Variants in ARHGAP42 observed in about 807,000 individuals in gnomAD.
ARHGAP42 encodes Rho GTPase activating protein 42.
A neutral mutation model predicts 125.0 loss-of-function variants in ARHGAP42; 63 were observed. That is an observed-to-expected ratio of 0.50 (90% confidence interval 0.41 to 0.62). The LOEUF is 0.62. Ranked by LOEUF, ARHGAP42 falls within the 20% of genes least tolerant of loss-of-function variation. ARHGAP42 has a pLI of 0.00. For missense variants in ARHGAP42, 766 were observed against 1,024.2 expected, an observed-to-expected ratio of 0.75 and a Z score of 3.44; for synonymous variants, 339 against 351.0, an observed-to-expected ratio of 0.97 and a Z score of 0.38.
At chr11:100,759,346 G>A (rs1451857165) in intron 1 of ARHGAP42, among the ~76,000 whole-genome samples, 1 of 152,150 alleles carries the variant, frequency 6.6e-6, no homozygotes, top group Non-Finnish European at 1.5e-5. Flanking sequence ...GGGCAAGCCT[G>A]TGTCTAGGCA....
intron 1 of ARHGAP42, among the ~76,000 whole-genome samples, chr11:100,715,041 C>A (rs1350202537): frequency 1.8e-5 from 2 of 109,814 alleles, no homozygotes; most frequent in Non-Finnish European, 3.5e-5. Context: ...GCAGTGAAAC[C>A]CTATCTCAAA....
intron 5 of ARHGAP42, among the ~76,000 whole-genome samples, 193 bp from the exon 6 acceptor site, chr11:100,921,301 C>A (rs1222886236): frequency 5.2e-5 from 6 of 114,716 alleles, no homozygotes; most frequent in Non-Finnish European, 8.3e-5. Flanking sequence ...GTACTTACTC[C>A]GTGTGTGTAT....
intron 3 of ARHGAP42, among the ~76,000 whole-genome samples, chr11:100,841,334 T>C (rs1195147633): frequency 2.6e-5 from 4 of 152,072 alleles, no homozygotes; most frequent in African/African-American, 9.7e-5. Context: ...TTGCTGTTAC[T>C]TTTTGGTTTG....
intron 1 of ARHGAP42, among the ~76,000 whole-genome samples, chr11:100,730,463 A>G (rs982907726): frequency 2.0e-5 from 3 of 152,234 alleles, no homozygotes; most frequent in African/African-American, 7.2e-5. Flanking sequence ...CTGAAATTCA[A>G]TTACAGCTGA....
chr11:100,763,662 G>A (rs993974680), intron 1 of ARHGAP42, among the ~76,000 whole-genome samples: 1 of 151,742 alleles, frequency 6.6e-6, no homozygotes, highest in African/African-American at 2.4e-5. Context: ...GCTAATTTTT[G>A]TATTTTCAGT....
intron 3 of ARHGAP42, among the ~76,000 whole-genome samples, chr11:100,844,410 C>G (rs1865014735): frequency 6.9e-6 from 1 of 145,820 alleles, no homozygotes; most frequent in Non-Finnish European, 1.5e-5. Flanking sequence ...GACCAAGAGC[C>G]CAAAAGCAAA....
At chr11:100,912,470 A>T (rs1280346718) in intron 4 of ARHGAP42, among the ~76,000 whole-genome samples, 3 of 152,166 alleles carry the variant, frequency 2.0e-5, no homozygotes, top group Admixed American at 1.3e-4. Flanking sequence ...GCTTATAAAC[A>T]CCTAGTTCAG....
At chr11:100,809,545 A>G (rs1864087194) in intron 3 of ARHGAP42, among the ~76,000 whole-genome samples, 1 of 152,258 alleles carries the variant, frequency 6.6e-6, no homozygotes, top group African/African-American at 2.4e-5. Flanking sequence ...AAACATGTTA[A>G]TTCACTCAAA....
chr11:100,887,015 A>G (rs1355756587), intron 4 of ARHGAP42, among the ~76,000 whole-genome samples: 1 of 152,176 alleles, frequency 6.6e-6, no homozygotes, highest in African/African-American at 2.4e-5. Context: ...GAGTACTGAC[A>G]TGCAATAATC....
At chr11:100,794,541 T>C (rs1330933716) in intron 2 of ARHGAP42, among the ~76,000 whole-genome samples, 3 of 152,218 alleles carry the variant, frequency 2.0e-5, no homozygotes, top group African/African-American at 7.2e-5. Flanking sequence ...ATGTTAACGC[T>C]GAATTGAACA....
At chr11:100,816,698 C>G (rs1201389013) in intron 3 of ARHGAP42, 1 of 152,126 alleles carries the variant, frequency 6.6e-6, no homozygotes, top group African/African-American at 2.4e-5. Context: ...ATTTCCTTTG[C>G]CTTTTATTCT....
intron 1 of ARHGAP42, among the ~76,000 whole-genome samples, chr11:100,694,944 T>C (rs1413538857): frequency 6.6e-6 from 1 of 152,228 alleles, no homozygotes; most frequent in African/African-American, 2.4e-5. Context: ...GGCAGGAGAA[T>C]AGCTTGAACC....
At chr11:100,855,170 T>C (rs1383494841) in intron 3 of ARHGAP42, among the ~76,000 whole-genome samples, 1 of 152,168 alleles carries the variant, frequency 6.6e-6, no homozygotes, top group Non-Finnish European at 1.5e-5. Context: ...AGTATTGCTT[T>C]AAATAGTACT....
intron 1 of ARHGAP42, among the ~76,000 whole-genome samples, chr11:100,734,759 T>C (rs578088581): frequency 6.6e-6 from 1 of 152,348 alleles, no homozygotes; most frequent in East Asian, 1.9e-4. Flanking sequence ...TTTCTTCTCA[T>C]ACTCTACTTA....
intron 1 of ARHGAP42, among the ~76,000 whole-genome samples, chr11:100,729,259 C>G (rs1388081567): frequency 6.6e-6 from 1 of 151,838 alleles, no homozygotes; most frequent in African/African-American, 2.4e-5. Context: ...GATAAACATA[C>G]TGAGTAGATA....
At chr11:100,710,174 G>C (rs1861538125) in intron 1 of ARHGAP42, among the ~76,000 whole-genome samples, 1 of 151,982 alleles carries the variant, frequency 6.6e-6, no homozygotes, top group African/African-American at 2.4e-5. Flanking sequence ...GTTTATTTTT[G>C]AGTTACAAAT....
chr11:100,946,686 G>A (rs1591313935), intron 10 of ARHGAP42, among the ~76,000 whole-genome samples: 1 of 152,140 alleles, frequency 6.6e-6, no homozygotes, highest in Non-Finnish European at 1.5e-5. Flanking sequence ...ATCTTATGTG[G>A]ACATGGTTAA....
chr11:100,925,232 C>T lies in ARHGAP42; in HGVS notation c.597+3628C>T, dbSNP rs937307543. On this transcript the variant is annotated intron_variant, in intron 6 of 23. Transcript: ENST00000298815. ...TTATAGCTCACTGTTGATTTCTAGA[C>T]CCACCATTCTGTATGGTAGCAATTA... is the stretch of plus-strand genomic sequence containing the variant. 4.6e-5 allele frequency among the ~76,000 whole-genome samples: 7 copies of T among 151,902 alleles called. 1 individual carries two copies. The highest frequency in any genetic ancestry group is 4.6e-4 in the Admixed American group (7 of 15,246).
intron 3 of ARHGAP42, among the ~76,000 whole-genome samples, chr11:100,823,624 G>T (rs1469754761): frequency 6.6e-6 from 1 of 152,092 alleles, no homozygotes; most frequent in African/African-American, 2.4e-5. Flanking sequence ...TATTACTAGA[G>T]GGAATATTTT....
Sources: allele counts gnomAD v4.1 joint callset (sites outside exome capture counted in the v4.1 genomes callset), GRCh38; gene constraint gnomAD v4.1.1; transcripts MANE v1.5; gene names NCBI Gene and HGNC (gene_info 2026-07-23, HGNC 2026-07-21).